The following NEXN variants were observed in gnomAD, a reference collection of about 807,000 sequenced individuals.
The protein encoded by NEXN is nexilin.
In NEXN, 65 loss-of-function variants were observed where a neutral mutation model predicts 92.6. That is an observed-to-expected ratio of 0.70 (90% CI 0.57 to 0.86). The LOEUF (loss-of-function observed/expected upper bound fraction) is 0.86. NEXN is among the 40% of genes least tolerant of loss of function. The pLI, the probability that NEXN is intolerant of heterozygous loss-of-function variation, is 0.00. For missense variants in NEXN, 778 were observed against 771.1 expected, an observed-to-expected ratio of 1.01 and a Z score of -0.11; for synonymous variants, 254 against 242.5, an observed-to-expected ratio of 1.05 and a Z score of -0.44.
intron 1 of NEXN, among the ~76,000 whole-genome samples, chr1:77,891,990 G>GGA (rs1647119764): frequency 2.0e-5 from 3 of 151,968 alleles, no homozygotes; most frequent in Admixed American, 2.0e-4. Context: ...GGCCGAGGCA[G>GGA]GAGGATTGCT....
At chr1:77,890,854 G>A (rs972528091) in intron 1 of NEXN, among the ~76,000 whole-genome samples, 1 of 152,122 alleles carries the variant, frequency 6.6e-6, no homozygotes, top group Non-Finnish European at 1.5e-5. Context: ...AAGTCTAAAC[G>A]TTTTTATAGA....
intron 10 of NEXN, among the ~76,000 whole-genome samples, chr1:77,933,802 G>A (rs924874076): frequency 6.6e-6 from 1 of 152,032 alleles, no homozygotes; most frequent in Non-Finnish European, 1.5e-5. Context: ...AGCTTCATGG[G>A]CATGCACCTT....
rs1010596179 is a variant in NEXN, at chr1:77,943,448, G to C, written c.*619G>C. On this transcript the variant is annotated 3_prime_UTR_variant, in exon 13 of 13. Coordinates refer to ENST00000334785, the MANE Select transcript of NEXN (RefSeq NM_144573.4). ...AAGCAGATATATTGGGATTGGAGCG[G>C]GGTGGGGAAAACTGTCACTCCTTTC... 2 of 157,790 alleles carry C rather than the reference G, an allele frequency of 1.3e-5. No homozygotes were observed. Among genetic ancestry groups the C allele is most frequent in the African/African-American group, 4.8e-5 (2 of 41,424 alleles). The allele number at this position is 157,790 out of a possible 1,614,324, so 9.8% of individuals were successfully genotyped here. A position where few individuals can be genotyped will look rare whatever the true frequency, so the allele number is the denominator to read the frequency against.
intron 11 of NEXN, among the ~76,000 whole-genome samples, chr1:77,938,249 A>G (rs1650944332): frequency 6.6e-6 from 1 of 152,222 alleles, no homozygotes; most frequent in Non-Finnish European, 1.5e-5. Flanking sequence ...TCATTGCCAA[A>G]AGCAAACACC....
At chr1:77,938,591 A>C (rs1650987551) in intron 11 of NEXN, among the ~76,000 whole-genome samples, 1 of 5,138 alleles carries the variant, frequency 1.9e-4, no homozygotes, top group African/African-American at 6.7e-4. Context: ...GACTGTCTCA[A>C]AAAAAAAAAA....
At chr1:77,902,947 G>T (rs975650583) in intron 1 of NEXN, among the ~76,000 whole-genome samples, 4 of 152,120 alleles carry the variant, frequency 2.6e-5, no homozygotes, top group Non-Finnish European at 5.9e-5. Context: ...GGTCTTGGAG[G>T]TAGAAAAAGG....
chr1:77,892,132 A>G (rs2102023625), intron 1 of NEXN, among the ~76,000 whole-genome samples: 1 of 152,134 alleles, frequency 6.6e-6, no homozygotes, highest in Non-Finnish European at 1.5e-5. Flanking sequence ...AAATTGGTAC[A>G]TTTTACATTA....
chr1:77,930,234 C>T lies in NEXN; in HGVS notation c.1053+730C>T, dbSNP rs80082301. 2.0e-5 allele frequency among the ~76,000 whole-genome samples: 3 copies of T among 152,290 alleles called. No individual in the cohort carries two copies. In the East Asian group the frequency reaches 5.8e-4, roughly 29 times the overall value. ...CACATATGTCCAAGTGTTTATTTGG[C>T]TTTATTGCCCACACAGATACTCAAA... On this transcript the variant is annotated intron_variant, in intron 9 of 12. Coordinates refer to ENST00000334785, the MANE Select transcript of NEXN (RefSeq NM_144573.4).
chr1:77,917,737 T>C lies in NEXN; in HGVS notation c.199T>C (p.Trp67Arg). The C allele has an allele frequency of 1.3e-6, 2 of 1,569,164 alleles. No individual in the cohort carries two copies. Among genetic ancestry groups the C allele is most frequent in the Non-Finnish European group, 1.8e-6 (2 of 1,139,862 alleles). The change falls in exon 3 of 13, where the codon TGG becomes CGG. Residue 67 changes from tryptophan (W) to arginine (R), a missense_variant. Physicochemically the swap from Trp to Arg is moderately radical, Grantham distance 101. Around this residue, in one of 3 missense-constraint regions of NEXN, gnomAD observed 236 missense variants for 265.6 expected, o/e 0.89. Transcript: ENST00000334785. ...AGAACAATATATTAGAGAGAGAGAA[T>C]GGAACAGGAGAAAGCAGGAGGTTAT... The part of the protein sequence containing the change: ...RKEQYIRERE[W>R]NRRKQEIKEM...
rs727504658 is a variant in NEXN, at chr1:77,936,001, T to G, written c.1430T>G (p.Ile477Ser). 6.2e-6 allele frequency: 10 copies of G among 1,613,842 alleles called. No individual in the cohort carries two copies. The highest frequency in any genetic ancestry group is 7.6e-6 in the Non-Finnish European group (9 of 1,179,944). ...GAAGAGCGAGCAAGAAGGAGAGCAA[T>G]TGACCTTGAAATTAAAGAGCGAGAA... ...IEEERARRRA[I>S]DLEIKEREAE... is the part of the protein sequence containing the mutation. The change falls in exon 11 of 13, where the codon ATT (isoleucine) becomes AGT (serine). Residue 477 changes from isoleucine (I) to serine (S), a missense_variant. Physicochemically the swap from Ile to Ser is moderately radical, Grantham distance 142. Transcript: ENST00000334785.
chr1:77,903,197 G>A (rs1299541973), intron 1 of NEXN, among the ~76,000 whole-genome samples: 1 of 151,598 alleles, frequency 6.6e-6, no homozygotes, highest in African/African-American at 2.4e-5. Context: ...CAGAAAGAAT[G>A]GTGGGCTGTT....
chr1:77,904,676 G>T (rs932903281), intron 1 of NEXN, among the ~76,000 whole-genome samples: 1 of 152,202 alleles, frequency 6.6e-6, no homozygotes, highest in Admixed American at 6.5e-5. Context: ...GGGAGTAAGA[G>T]AAGTGCAAAA....
intron 2 of NEXN, 108 bp from the exon 3 acceptor site, chr1:77,917,458 T>A: frequency 1.2e-6 from 1 of 849,160 alleles, no homozygotes; most frequent in Admixed American, 2.3e-5. Flanking sequence ...ACATTTCTAT[T>A]TTCTGTTTCA....
chr1:77,893,234 T>C (rs1647148360), intron 1 of NEXN, among the ~76,000 whole-genome samples: 2 of 152,126 alleles, frequency 1.3e-5, no homozygotes, highest in Admixed American at 1.3e-4. Flanking sequence ...TCCTACAGCT[T>C]GGCTATAAAG....
chr1:77,896,957 C>G (rs1270678720), intron 1 of NEXN, among the ~76,000 whole-genome samples: 3 of 152,034 alleles, frequency 2.0e-5, no homozygotes, highest in Non-Finnish European at 4.4e-5. Flanking sequence ...AAGACTAAAC[C>G]AGGAAGAAGT....
rs1647135666 is a variant in NEXN, at chr1:77,892,725, A to G, written c.-53+3966A>G. On this transcript the variant is annotated intron_variant, in intron 1 of 12. Coordinates refer to ENST00000334785, the MANE Select transcript of NEXN (RefSeq NM_144573.4). The stretch of plus-strand genomic sequence containing the variant: ...GGAGAAGAGATTAGCATTCATTGAC[A>G]CTAATTGTTAGTGTCGATTAGAGCT... Among the ~76,000 whole-genome samples the G allele has an allele frequency of 2.0e-5, 3 of 152,170 alleles. No individual in the cohort carries two copies. In the South Asian group the frequency reaches 6.2e-4, roughly 31 times the overall value.
intron 9 of NEXN, among the ~76,000 whole-genome samples, chr1:77,930,544 T>C (rs1465236580): frequency 6.6e-6 from 1 of 152,376 alleles, no homozygotes; most frequent in East Asian, 1.9e-4. Flanking sequence ...TTTTGCTTAA[T>C]ATTTCCCCAC....
In NEXN at chr1:77,942,878, C is replaced by T; in HGVS notation, c.*49C>T. ...ATTAATTTTTTTTTCCTTAAAATCA[C>T]TTTTCTTCTTCTCTTTTTTAGCTGA... On this transcript the variant is annotated 3_prime_UTR_variant, in exon 13 of 13. Transcript: ENST00000334785. 6.5e-7 allele frequency: 1 copy of T among 1,539,228 alleles called. No individual in the cohort carries two copies.
intron 1 of NEXN, among the ~76,000 whole-genome samples, chr1:77,894,259 A>C (rs1350900473): frequency 1.3e-5 from 2 of 152,032 alleles, no homozygotes; most frequent in African/African-American, 4.8e-5. Flanking sequence ...ACCTGGCATA[A>C]GATTCTTGGT....
Sources: allele counts gnomAD v4.1 joint callset (sites outside exome capture counted in the v4.1 genomes callset), GRCh38; gene constraint gnomAD v4.1.1; regional missense constraint gnomAD v4.1.1; transcripts MANE v1.5; gene names NCBI Gene and HGNC (gene_info 2026-07-23, HGNC 2026-07-21).